Variants in POLR3C observed in about 807,000 individuals in gnomAD.
The protein encoded by POLR3C is DNA-directed RNA polymerase III subunit RPC3.
A neutral mutation model predicts 65.9 loss-of-function variants in POLR3C; 44 were observed. The observed-to-expected ratio is 0.67, with a 90% CI of 0.52 to 0.86. The LOEUF (loss-of-function observed/expected upper bound fraction) is 0.86. POLR3C is among the 40% of genes least tolerant of loss of function. The probability of loss-of-function intolerance (pLI) is 0.00; values close to 1 mark genes in which losing one functional copy is unlikely to be tolerated. For missense variants in POLR3C, 576 were observed against 653.2 expected (o/e 0.88, Z 1.29); for synonymous variants, 263 against 231.6 (o/e 1.14, Z -1.23).
intron 5 of POLR3C, among the ~76,000 whole-genome samples, chr1:145,830,393 G>A (rs1651203914): frequency 6.6e-6 from 1 of 152,054 alleles, no homozygotes; most frequent in Non-Finnish European, 1.5e-5. Context: ...AATGATAGGA[G>A]AAAGAAAAGT....
intron 11 of POLR3C, among the ~76,000 whole-genome samples, chr1:145,838,753 C>T (rs1191648774): frequency 6.6e-6 from 1 of 152,068 alleles, no homozygotes; most frequent in African/African-American, 2.4e-5. Flanking sequence ...CCCACCCTGC[C>T]TTTTTTTCTC....
intron 3 of POLR3C, 49 bp from the exon 4 acceptor site, chr1:145,826,771 C>T: frequency 6.2e-7 from 1 of 1,607,546 alleles, no homozygotes; most frequent in Non-Finnish European, 8.5e-7. Flanking sequence ...GGAGTGAACC[C>T]TGAGCTATCT....
chr1:145,833,453 A>G (rs1553727750), intron 6 of POLR3C, 37 bp from the exon 7 acceptor site: 3 of 1,562,026 alleles, frequency 1.9e-6, no homozygotes, highest in African/African-American at 1.4e-5. Context: ...CAGGGGCAGC[A>G]CTGTGATTTC....
At chr1:145,834,815 T>A (rs1353052099) in intron 7 of POLR3C, among the ~76,000 whole-genome samples, 1 of 152,144 alleles carries the variant, frequency 6.6e-6, no homozygotes, top group Non-Finnish European at 1.5e-5. Context: ...TGACTGTGTT[T>A]AAATATTCCT....
chr1:145,836,025 G>A (rs1015734053), intron 7 of POLR3C, among the ~76,000 whole-genome samples: 14 of 151,884 alleles, frequency 9.2e-5, no homozygotes, highest in East Asian at 1.9e-4. Context: ...TAGTGTACTC[G>A]GTACTGGTCA....
intron 1 of POLR3C, chr1:145,824,597 C>T (rs1570713157): frequency 8.8e-7 from 1 of 1,135,062 alleles, no homozygotes; most frequent in African/African-American, 1.6e-5. Flanking sequence ...AAAGACTTGG[C>T]TTCTTAGGAA....
chr1:145,842,350 G>C lies in POLR3C; in HGVS notation c.1535G>C (p.Ser512Thr). 6.2e-7 allele frequency: 1 copy of C among 1,606,554 alleles called. No individual in the cohort carries two copies. Among genetic ancestry groups the C allele is most frequent in the Non-Finnish European group, 8.5e-7 (1 of 1,174,126 alleles). The change falls in exon 15 of 15, where the codon AGT (serine) becomes ACT (threonine). Residue 512 changes from serine to threonine, a missense_variant. By Grantham distance (58) the Ser-to-Thr change is moderately conservative. Coordinates refer to ENST00000334163, the MANE Select transcript of POLR3C (RefSeq NM_006468.8). Reference protein sequence around the residue: ...LKRNVNKLDASEIQVDETIFL... With the variant: ...LKRNVNKLDATEIQVDETIFL... ...TACTTTTCACTCAGGTTGGATGCCAGTGAGATCCAGGTGGACGAAACCATC... is the reference window on the plus strand; with the variant it reads ...TACTTTTCACTCAGGTTGGATGCCACTGAGATCCAGGTGGACGAAACCATC...
intron 6 of POLR3C, 24 bp downstream of exon 6, chr1:145,833,388 T>C (rs1311944383): frequency 1.3e-6 from 2 of 1,550,442 alleles, no homozygotes; most frequent in Non-Finnish European, 1.8e-6. Flanking sequence ...GGGTCTGTCA[T>C]TGGTCATCAG....
At chr1:145,831,163 T>C (rs1450478532) in intron 5 of POLR3C, among the ~76,000 whole-genome samples, 2 of 151,774 alleles carry the variant, frequency 1.3e-5, no homozygotes, top group Non-Finnish European at 2.9e-5. Context: ...ACAGAACAGT[T>C]TGGGGAACAA....
chr1:145,842,586 G>T lies in POLR3C; in HGVS notation c.*166G>T. ...CACCTGAAAGAATTTGGCATATTTAGATCCATTGCTGTAGTCTCCCCTCAT... is the reference window on the plus strand; with the variant it reads ...CACCTGAAAGAATTTGGCATATTTATATCCATTGCTGTAGTCTCCCCTCAT... On this transcript the variant is annotated 3_prime_UTR_variant, in exon 15 of 15. Coordinates refer to ENST00000334163, the MANE Select transcript of POLR3C (RefSeq NM_006468.8). 1.5e-6 allele frequency: 1 copy of T among 648,614 alleles called. No homozygotes were observed. The allele number at this position is 648,614 out of a possible 1,614,324, so 40.2% of individuals were successfully genotyped here. A position where few individuals can be genotyped will look rare whatever the true frequency, so the allele number is the denominator to read the frequency against.
In POLR3C at chr1:145,839,964, C is replaced by G. The variant is rs782674337; in HGVS notation, c.1296C>G (p.Ala432=). The G allele has an allele frequency of 1.2e-6, 2 of 1,610,854 alleles. No homozygotes were observed. The highest frequency in any genetic ancestry group is 4.5e-5 in the East Asian group (2 of 44,860). The change falls in exon 12 of 15, where the codon GCC becomes GCG. Residue 432 remains alanine (A), a synonymous_variant. Coordinates refer to ENST00000334163, the MANE Select transcript of POLR3C (RefSeq NM_006468.8). ...ATACTGTGAACATCCTGTCAGCTGC[C>G]CGAATGTTGTTGCACAGGTGCTACA... The part of the protein sequence containing the change: ...YLYTVNILSA[A]RMLLHRCYKS...
In POLR3C at chr1:145,842,498, C is replaced by T. The variant is rs1377557397; in HGVS notation, c.*78C>T. ...AGGAGGTGCCTGGATGCATTATTTG[C>T]AGTGGGATAAGTCGCAGAGTCTTCA... On this transcript the variant is annotated 3_prime_UTR_variant, in exon 15 of 15. Transcript: ENST00000334163. 8.4e-6 allele frequency: 8 copies of T among 949,708 alleles called. No homozygotes were observed. Among genetic ancestry groups the T allele is most frequent in the Non-Finnish European group, 1.4e-5 (8 of 580,466 alleles). 58.8% of individuals were successfully genotyped at this position (949,708 alleles called of 1,614,324 possible). A position where few individuals can be genotyped will look rare whatever the true frequency, so the allele number is the denominator to read the frequency against.
At chr1:145,830,615 A>G (rs978461848) in intron 5 of POLR3C, among the ~76,000 whole-genome samples, 1 of 151,566 alleles carries the variant, frequency 6.6e-6, no homozygotes, top group Non-Finnish European at 1.5e-5. Flanking sequence ...CCTGGTCAAC[A>G]TGGTGAAACC....
chr1:145,827,587 G>A (rs587731752), intron 4 of POLR3C, among the ~76,000 whole-genome samples: 20 of 151,950 alleles, frequency 1.3e-4, no homozygotes, highest in South Asian at 6.2e-4. Context: ...GGGAAACCCC[G>A]TCTATACTAA....
At chr1:145,837,443 A>T (rs1444993236) in intron 9 of POLR3C, 93 bp from the exon 10 acceptor site, 1 of 622,192 alleles carries the variant, frequency 1.6e-6, no homozygotes, top group Non-Finnish European at 2.7e-6. Context: ...TAGCATTTAA[A>T]ATTTAATTAT....
intron 11 of POLR3C, 108 bp downstream of exon 11, chr1:145,838,314 C>T: frequency 2.4e-6 from 2 of 841,352 alleles, no homozygotes; most frequent in South Asian, 3.3e-5. Context: ...ATATCCAGCT[C>T]TGAGACAGAA....
At chr1:145,840,651 T>C (rs1433047254) in intron 13 of POLR3C, among the ~76,000 whole-genome samples, 1 of 152,222 alleles carries the variant, frequency 6.6e-6, no homozygotes, top group African/African-American at 2.4e-5. Context: ...GTCTACACTT[T>C]TCTAACATGC....
Position 145,826,265 on chromosome 1 carries a change from A to G in POLR3C, c.148-189A>G, listed in dbSNP as rs141373368. 2.4e-3 allele frequency among the ~76,000 whole-genome samples: 364 copies of G among 152,378 alleles called. 4 individuals are homozygous for G. In the East Asian group the frequency reaches 0.034, roughly 14 times the overall value. ...GATAAGGATCAGAGGAAATATAGCA[A>G]GGAATCTTCCTGATTTATTGTATTG... is the stretch of plus-strand genomic sequence containing the variant. On this transcript the variant is annotated intron_variant, in intron 2 of 14. Transcript: ENST00000334163.
rs782695805 is a variant in POLR3C, at chr1:145,840,164, A to G, written c.1372A>G (p.Lys458Glu). The G allele has an allele frequency of 1.9e-6, 3 of 1,574,016 alleles. No homozygotes were observed. The highest frequency in any genetic ancestry group is 2.6e-6 in the Non-Finnish European group (3 of 1,143,506). The part of the protein sequence containing the change: ...ERRQFETKEN[K>E]RLLEKSQRVE... Reference sequence around the variant, plus strand: ...GAGGCAATTTGAAACCAAAGAGAATAAGTAAGTAACATTTTCAGTTGAGTT... The same window carrying G: ...GAGGCAATTTGAAACCAAAGAGAATGAGTAAGTAACATTTTCAGTTGAGTT... The change falls in exon 13 of 15, where the codon AAG (lysine) becomes GAG (glutamate). Residue 458 changes from lysine to glutamate, a missense_variant and splice_region_variant. Coordinates refer to ENST00000334163, the MANE Select transcript of POLR3C (RefSeq NM_006468.8).
Sources: gnomAD v4.1 joint callset for allele counts (sites outside exome capture counted in the v4.1 genomes callset) on GRCh38, gnomAD v4.1.1 for gene constraint, MANE v1.5 for transcripts, NCBI Gene and HGNC (gene_info 2026-07-23, HGNC 2026-07-21) for gene names.